The following NTN4 variants were observed in gnomAD, a reference collection of about 807,000 sequenced individuals.
NTN4 encodes the protein netrin 4.
In NTN4, 32 loss-of-function variants were observed where a neutral mutation model predicts 73.6. The observed-to-expected ratio is 0.44, with a 90% CI of 0.33 to 0.58. NTN4 has a LOEUF of 0.58. NTN4 is among the 20% of genes least tolerant of loss of function. The probability of loss-of-function intolerance (pLI) is 0.04; values close to 1 mark genes in which losing one functional copy is unlikely to be tolerated. For synonymous variants in NTN4, 258 were observed against 287.5 expected, an observed-to-expected ratio of 0.90 and a Z score of 1.04; for missense variants, 654 against 798.3, an observed-to-expected ratio of 0.82 and a Z score of 2.18.
chr12:95,740,177 C>A (rs2078813358), intron 2 of NTN4, among the ~76,000 whole-genome samples: 1 of 152,152 alleles, frequency 6.6e-6, no homozygotes, highest in African/African-American at 2.4e-5. Flanking sequence ...ACGCCTTAAT[C>A]TGATACCCTG....
At chr12:95,755,474 C>T (rs1425475464) in intron 2 of NTN4, among the ~76,000 whole-genome samples, 1 of 152,176 alleles carries the variant, frequency 6.6e-6, no homozygotes, top group Non-Finnish European at 1.5e-5. Flanking sequence ...AACATTTGTC[C>T]TTGACTGTGC....
chr12:95,698,218 T>C (rs1158843678), intron 5 of NTN4, among the ~76,000 whole-genome samples: 1 of 152,142 alleles, frequency 6.6e-6, no homozygotes, highest in East Asian at 1.9e-4. Flanking sequence ...CTCAGTGTCT[T>C]CATTTGTAAA....
chr12:95,735,541 ATGAGGTTTCCGTT>A (rs2121168115), intron 3 of NTN4, among the ~76,000 whole-genome samples: 1 of 152,358 alleles, frequency 6.6e-6, no homozygotes, highest in South Asian at 2.1e-4. Flanking sequence ...TAGTAAGAAA[ATGAGGTTTCCGTT>A]CCATAGGGTT....
At chr12:95,718,299 C>CT (rs1246929641) in intron 3 of NTN4, among the ~76,000 whole-genome samples, 1 of 152,086 alleles carries the variant, frequency 6.6e-6, no homozygotes, top group African/African-American at 2.4e-5. Context: ...ATTGTCCTTC[C>CT]TTTTGGGGCA....
chr12:95,720,714 C>T (rs1476204169), intron 3 of NTN4, among the ~76,000 whole-genome samples: 2 of 152,152 alleles, frequency 1.3e-5, no homozygotes, highest in Non-Finnish European at 1.5e-5. Context: ...AAGGGGTATA[C>T]AGGTTTATAC....
At chr12:95,676,603 G>A (rs1592657918) in intron 7 of NTN4, among the ~76,000 whole-genome samples, 1 of 151,970 alleles carries the variant, frequency 6.6e-6, no homozygotes, top group East Asian at 1.9e-4. Context: ...AACCTTAAGA[G>A]TACTTGCTAA....
chr12:95,694,144 C>T (rs917627602), intron 5 of NTN4, among the ~76,000 whole-genome samples: 1 of 152,170 alleles, frequency 6.6e-6, no homozygotes, highest in African/African-American at 2.4e-5. Flanking sequence ...AAACTGGCCT[C>T]CTTTAATATT....
At chr12:95,707,023 TC>T (rs1306423574) in intron 5 of NTN4, among the ~76,000 whole-genome samples, 1 of 152,178 alleles carries the variant, frequency 6.6e-6, no homozygotes, top group African/African-American at 2.4e-5. Flanking sequence ...ACTTTGAGAA[TC>T]ACTAGTTTGC....
At chr12:95,667,698 A>T (rs1393380341) in intron 8 of NTN4, among the ~76,000 whole-genome samples, 1 of 151,916 alleles carries the variant, frequency 6.6e-6, no homozygotes, top group African/African-American at 2.4e-5. Context: ...CTCTACTAAA[A>T]AATACAAAAA....
intron 9 of NTN4, among the ~76,000 whole-genome samples, chr12:95,665,226 A>G (rs1031481034): frequency 3.3e-5 from 5 of 152,284 alleles, no homozygotes; most frequent in Middle Eastern, 6.8e-3. Context: ...TAAAGGTGCA[A>G]ATCAAATTTC....
chr12:95,717,494 T>C (rs189592365), intron 3 of NTN4, among the ~76,000 whole-genome samples: 3 of 151,972 alleles, frequency 2.0e-5, no homozygotes, highest in East Asian at 3.9e-4. Flanking sequence ...TACAGAAAAA[T>C]TCAAGGAGCT....
At chr12:95,727,913 C>T (rs1457796047) in intron 3 of NTN4, among the ~76,000 whole-genome samples, 1 of 152,062 alleles carries the variant, frequency 6.6e-6, no homozygotes, top group African/African-American at 2.4e-5. Flanking sequence ...TAATATTAAG[C>T]CTTCTAATTA....
intron 7 of NTN4, among the ~76,000 whole-genome samples, chr12:95,682,319 G>A (rs1005314737): frequency 2.6e-5 from 4 of 151,498 alleles, no homozygotes; most frequent in African/African-American, 9.7e-5. Context: ...CTCCCAAAAT[G>A]CTGGGATTAT....
chr12:95,744,789 T>C (rs1159144714), intron 2 of NTN4, among the ~76,000 whole-genome samples: 1 of 152,118 alleles, frequency 6.6e-6, no homozygotes, highest in Non-Finnish European at 1.5e-5. Context: ...TCATTTTTCT[T>C]CTGTCTGAAG....
At chr12:95,780,389 G>A (rs180826263) in intron 2 of NTN4, among the ~76,000 whole-genome samples, 266 of 152,250 alleles carry the variant, frequency 1.7e-3, no homozygotes, top group East Asian at 2.5e-3. Flanking sequence ...GAAAATTTTT[G>A]CAACCTACTC....
intron 9 of NTN4, among the ~76,000 whole-genome samples, chr12:95,662,235 C>CTTTTT (rs71087990): frequency 2.5e-5 from 3 of 118,382 alleles, no homozygotes; most frequent in African/African-American, 6.5e-5. Context: ...CTTTTTCTTT[C>CTTTTT]TTTTTTTTTT....
intron 5 of NTN4, among the ~76,000 whole-genome samples, chr12:95,708,256 TTTTATTTATTTATTTATTTATTTA>T (rs200402415): frequency 1.4e-5 from 2 of 142,380 alleles, no homozygotes; most frequent in Non-Finnish European, 3.0e-5. Flanking sequence ...TTTATTGTTA[TTTTATTTATTTATTTATTTATTTA>T]TTTATTTATT....
chr12:95,670,156 G>A lies in NTN4; in HGVS notation c.1511-10C>T, dbSNP rs752011831. ...TTACATTCGCATTTACCTATGGAAA[G>A]TAAATTAAAAATGGTGTTAGTTATT... is the stretch of plus-strand genomic sequence containing the variant. On this transcript the variant is annotated splice_polypyrimidine_tract_variant and intron_variant, in intron 7 of 9. Coordinates refer to ENST00000343702, the MANE Select transcript of NTN4 (RefSeq NM_021229.4). 1 of 1,541,994 alleles carries A rather than the reference G, an allele frequency of 6.5e-7. No homozygotes were observed. The highest frequency in any genetic ancestry group is 1.2e-5 in the South Asian group (1 of 82,336).
rs141748038 is a variant in NTN4 at position 95,697,308 on chromosome 12, A to G, written c.1180+13133T>C. ...AATTCCTTTCACCCAATTATATCCAATTAGAACTCTTTGTTCAAGGAAAGT... is the reference window on the plus strand; with the variant it reads ...AATTCCTTTCACCCAATTATATCCAGTTAGAACTCTTTGTTCAAGGAAAGT... On this transcript the variant is annotated intron_variant, in intron 5 of 9. Coordinates refer to ENST00000343702, the MANE Select transcript of NTN4 (RefSeq NM_021229.4). Among the ~76,000 whole-genome samples, 34 of 152,322 alleles carry G rather than the reference A, an allele frequency of 2.2e-4. 1 individual carries two copies. In the East Asian group the frequency reaches 6.4e-3, roughly 28 times the overall value.
Sources: gnomAD v4.1 joint callset for allele counts (sites outside exome capture counted in the v4.1 genomes callset) on GRCh38, gnomAD v4.1.1 for gene constraint, MANE v1.5 for transcripts, NCBI Gene and HGNC (gene_info 2026-07-23, HGNC 2026-07-21) for gene names.